The following MMP26 variants were observed in gnomAD, a reference collection of about 807,000 sequenced individuals.
MMP26 encodes the protein matrix metallopeptidase 26.
In MMP26, 33 loss-of-function variants were observed where a neutral mutation model predicts 31.0. That is an observed-to-expected ratio of 1.06 (90% confidence interval 0.81 to 1.42). The LOEUF is 1.42. MMP26 is among the 40% of genes most tolerant of loss of function. MMP26 has a pLI of 0.00. For synonymous variants in MMP26, 122 were observed against 114.9 expected, an observed-to-expected ratio of 1.06 and a Z score of -0.40; for missense variants, 347 against 316.1, an observed-to-expected ratio of 1.10 and a Z score of -0.74.
At chr11:4,894,328 T>C (rs1193391209) in intron 2 of MMP26, among the ~76,000 whole-genome samples, 1 of 152,174 alleles carries the variant, frequency 6.6e-6, no homozygotes, top group Non-Finnish European at 1.5e-5. Context: ...TAAGAACACA[T>C]GCAATTTGAA....
chr11:4,811,339 A>G (rs965514514), intron 2 of MMP26, among the ~76,000 whole-genome samples: 1 of 152,056 alleles, frequency 6.6e-6, no homozygotes, highest in Non-Finnish European at 1.5e-5. Context: ...GTAGTTTTTT[A>G]TCCTCACCTT....
intron 2 of MMP26, chr11:4,822,461 C>A: frequency 7.8e-7 from 1 of 1,287,098 alleles, no homozygotes; most frequent in Non-Finnish European, 1.0e-6. Context: ...CCACACATGC[C>A]TCCAACAGTC....
chr11:4,848,509 C>G (rs752429033), intron 2 of MMP26: 8 of 1,613,548 alleles, frequency 5.0e-6, no homozygotes, highest in South Asian at 1.1e-5. Flanking sequence ...GACTCCACAC[C>G]TTGCAACACC....
At chr11:4,906,873 C>T (rs369152128) in intron 2 of MMP26, among the ~76,000 whole-genome samples, 1 of 151,802 alleles carries the variant, frequency 6.6e-6, no homozygotes, top group Non-Finnish European at 1.5e-5. Flanking sequence ...GGTGGATCAC[C>T]TGTGTCAGGA....
chr11:4,772,517 C>T (rs147488135), intron 2 of MMP26, among the ~76,000 whole-genome samples: 24 of 152,256 alleles, frequency 1.6e-4, no homozygotes, highest in Non-Finnish European at 3.5e-4. Context: ...AGTTTTCCCC[C>T]AGTAAATGTG....
chr11:4,860,397 A>T (rs1230229909), intron 2 of MMP26: 1 of 471,176 alleles, frequency 2.1e-6, no homozygotes, highest in Non-Finnish European at 4.4e-6. Flanking sequence ...GCTCATGGAG[A>T]CTTGGCTCCA....
At chr11:4,742,180 A>T (rs1234033999) in intron 1 of MMP26, among the ~76,000 whole-genome samples, 2 of 152,234 alleles carry the variant, frequency 1.3e-5, no homozygotes, top group Admixed American at 1.3e-4. Context: ...GCAAATATGT[A>T]CTGTACATCT....
At chr11:4,915,459 A>C in intron 2 of MMP26, 1 of 1,614,158 alleles carries the variant, frequency 6.2e-7, no homozygotes, top group Non-Finnish European at 8.5e-7. Context: ...GCCAGCATGG[A>C]CAGGAAGAGA....
At chr11:4,931,621 C>T (rs1461615182) in intron 2 of MMP26, among the ~76,000 whole-genome samples, 2 of 151,986 alleles carry the variant, frequency 1.3e-5, no homozygotes, top group East Asian at 3.9e-4. Flanking sequence ...ACTTAACATG[C>T]TATTCTTTTA....
chr11:4,924,826 C>T (rs16907439), intron 2 of MMP26, among the ~76,000 whole-genome samples: 14,848 of 152,108 alleles, frequency 0.098, 863 homozygotes, highest in Non-Finnish European at 0.12. Context: ...GGAAACGAAA[C>T]CAGAAGGCAT....
intron 2 of MMP26, among the ~76,000 whole-genome samples, chr11:4,789,816 C>G (rs940542116): frequency 6.6e-6 from 1 of 151,594 alleles, no homozygotes; most frequent in African/African-American, 2.4e-5. Flanking sequence ...CTGGGAAGCA[C>G]TTCACAGGTG....
chr11:4,931,050 AAGAT>A (rs952343748), intron 2 of MMP26, among the ~76,000 whole-genome samples: 7 of 152,126 alleles, frequency 4.6e-5, no homozygotes, highest in African/African-American at 1.4e-4. Flanking sequence ...TCATAGTAGA[AAGAT>A]AGATAAATGT....
chr11:4,902,643 C>A (rs1850820905), intron 2 of MMP26, among the ~76,000 whole-genome samples: 1 of 152,106 alleles, frequency 6.6e-6, no homozygotes, highest in African/African-American at 2.4e-5. Context: ...TTCCAATTAG[C>A]AACTTATAAT....
chr11:4,979,328 TA>T (rs1362257527), intron 2 of MMP26, among the ~76,000 whole-genome samples: 1 of 152,162 alleles, frequency 6.6e-6, no homozygotes. Flanking sequence ...TTGGTTATTT[TA>T]ACACCATTAT....
chr11:4,932,106 G>T (rs568450584), intron 2 of MMP26, among the ~76,000 whole-genome samples: 53 of 152,060 alleles, frequency 3.5e-4, no homozygotes, highest in Non-Finnish European at 6.8e-4. Context: ...GTTCCATTTT[G>T]AACAACTTCT....
At chr11:4,724,230 G>A (rs1036461491) in intron 1 of MMP26, 9 of 451,176 alleles carry the variant, frequency 2.0e-5, no homozygotes, top group African/African-American at 1.2e-4. Flanking sequence ...ATGGGCCTTT[G>A]ATCTAGGTCT....
chr11:4,974,034 A>G (rs1372474119), intron 2 of MMP26: 1 of 152,034 alleles, frequency 6.6e-6, no homozygotes, highest in Non-Finnish European at 1.5e-5. Context: ...ACACAAACCT[A>G]AAAGGAGAAA....
chr11:4,711,068 G>C (rs1847856627), intron 1 of MMP26: 1 of 152,288 alleles, frequency 6.6e-6, no homozygotes, highest in South Asian at 2.1e-4. Flanking sequence ...GAAGATCTGG[G>C]GGTCCATTGT....
chr11:4,769,013 C>G (rs369896596), intron 2 of MMP26: 16 of 1,518,772 alleles, frequency 1.1e-5, no homozygotes, highest in Non-Finnish European at 1.4e-5. Context: ...CATAGCCTTG[C>G]GGATTTGTTT....
Sources: allele counts gnomAD v4.1 joint callset (sites outside exome capture counted in the v4.1 genomes callset), GRCh38; gene constraint gnomAD v4.1.1; transcripts MANE v1.5; gene names NCBI Gene and HGNC (gene_info 2026-07-23, HGNC 2026-07-21).